Variants in TAOK3 observed in about 807,000 individuals in gnomAD.
TAOK3 encodes the protein serine/threonine-protein kinase TAO3.
Under a neutral mutation model 120.4 loss-of-function variants are expected in TAOK3, and 40 were observed. That is an observed-to-expected ratio of 0.33 (90% CI 0.26 to 0.43). TAOK3 has a LOEUF of 0.43. TAOK3 is among the 20% of genes least tolerant of loss of function. The pLI is 1.00. For missense variants in TAOK3, 821 were observed against 1,112.1 expected (o/e 0.74, Z 3.72); for synonymous variants, 355 against 387.5 (o/e 0.92, Z 0.99).
At chr12:118,262,268 G>A (rs961792764) in intron 2 of TAOK3, among the ~76,000 whole-genome samples, 5 of 152,072 alleles carry the variant, frequency 3.3e-5, no homozygotes, top group African/African-American at 4.8e-5. Context: ...TGGATCACAA[G>A]GTCAGGAGTT....
At chr12:118,269,217 A>G (rs769960655) in intron 1 of TAOK3, among the ~76,000 whole-genome samples, 7 of 150,990 alleles carry the variant, frequency 4.6e-5, no homozygotes, top group Admixed American at 1.3e-4. Context: ...GCTGGAGTAC[A>G]GTGGCGAGAT....
chr12:118,246,376 T>C, intron 3 of TAOK3: 1 of 1,592,290 alleles, frequency 6.3e-7, no homozygotes, highest in African/African-American at 1.3e-5. Context: ...GATTTCTTCC[T>C]GGGGGCCTCT....
At chr12:118,177,078 G>A in intron 16 of TAOK3, 123 bp downstream of exon 16, 4 of 1,067,658 alleles carry the variant, frequency 3.7e-6, no homozygotes, top group Non-Finnish European at 5.4e-6. Context: ...GCATTTTAGG[G>A]TATTCTAATG....
At chr12:118,151,599 C>G (rs1002548273) in intron 20 of TAOK3, among the ~76,000 whole-genome samples, 1 of 152,048 alleles carries the variant, frequency 6.6e-6, no homozygotes, top group African/African-American at 2.4e-5. Flanking sequence ...AGTTCTAGAA[C>G]AGGAGCTGGG....
chr12:118,193,703 C>A (rs546378137), intron 13 of TAOK3, among the ~76,000 whole-genome samples: 7 of 152,188 alleles, frequency 4.6e-5, no homozygotes, highest in Non-Finnish European at 1.0e-4. Flanking sequence ...CCCACCCCGG[C>A]CTTCCAAAGT....
At chr12:118,221,730 G>A (rs1435492562) in intron 9 of TAOK3, among the ~76,000 whole-genome samples, 1 of 150,272 alleles carries the variant, frequency 6.7e-6, no homozygotes, top group Non-Finnish European at 1.5e-5. Flanking sequence ...TGCCTCACAG[G>A]TTCACGCCAT....
chr12:118,372,411 C>G lies in TAOK3; in HGVS notation c.-194+237G>C, dbSNP rs539404341. Among the ~76,000 whole-genome samples, 1 of 151,596 alleles carries G rather than the reference C, an allele frequency of 6.6e-6. No individual in the cohort carries two copies. The highest frequency in any genetic ancestry group is 2.1e-4 in the South Asian group (1 of 4,772). On this transcript the variant is annotated intron_variant, in intron 1 of 20. Coordinates refer to ENST00000392533, the MANE Select transcript of TAOK3 (RefSeq NM_016281.4). The surrounding 1 kb of genome is among the most constrained non-coding windows in gnomAD (Gnocchi z 4.6). ...TCTCACGCGCACTGTCCCGGCCCCT[C>G]TTGGAGACCCCTCCCCTCAGACTTT...
chr12:118,313,805 A>C (rs1243183488), intron 1 of TAOK3, among the ~76,000 whole-genome samples: 1 of 152,236 alleles, frequency 6.6e-6, no homozygotes, highest in Non-Finnish European at 1.5e-5. Context: ...TGTAAAAATC[A>C]AACTGGAATA....
intron 1 of TAOK3, among the ~76,000 whole-genome samples, chr12:118,338,786 CAAAAAAAAAAAA>C (rs71069438): frequency 1.0e-4 from 5 of 49,840 alleles, no homozygotes; most frequent in Admixed American, 3.1e-4. Context: ...GACTCCGTCT[CAAAAAAAAAAAA>C]AAAAAAAAAA....
intron 1 of TAOK3, among the ~76,000 whole-genome samples, chr12:118,305,919 A>AG (rs2043037653): frequency 6.6e-6 from 1 of 152,126 alleles, no homozygotes; most frequent in East Asian, 1.9e-4. Context: ...AAAAAAAAAA[A>AG]AAAAAAAGTT....
intron 1 of TAOK3, among the ~76,000 whole-genome samples, chr12:118,355,133 A>G (rs1039025702): frequency 2.6e-5 from 4 of 152,188 alleles, no homozygotes; most frequent in African/African-American, 9.6e-5. Flanking sequence ...GTATTTTTAG[A>G]CCACAGTTCA....
At chr12:118,246,657 C>T in intron 3 of TAOK3, 2 of 1,566,294 alleles carry the variant, frequency 1.3e-6, no homozygotes, top group Non-Finnish European at 1.7e-6. Flanking sequence ...CGGCTCTGTG[C>T]TGGTGCGCCT....
chr12:118,180,031 T>C (rs2036607005), intron 15 of TAOK3, among the ~76,000 whole-genome samples: 1 of 144,760 alleles, frequency 6.9e-6, no homozygotes, highest in African/African-American at 2.6e-5. Context: ...CACTGCAACC[T>C]CTGCCTCCCA....
At chr12:118,159,824 G>T in intron 19 of TAOK3, 1 of 352,736 alleles carries the variant, frequency 2.8e-6, no homozygotes, top group Non-Finnish European at 5.3e-6. Flanking sequence ...GATATTAGTT[G>T]CGGGGAGGGC....
intron 1 of TAOK3, among the ~76,000 whole-genome samples, chr12:118,336,032 T>C (rs1386768369): frequency 6.6e-6 from 1 of 152,206 alleles, no homozygotes; most frequent in Non-Finnish European, 1.5e-5. Flanking sequence ...CCAAATTGTA[T>C]ATAGTTTTAA....
intron 1 of TAOK3, among the ~76,000 whole-genome samples, chr12:118,350,938 G>A (rs983543736): frequency 1.3e-5 from 2 of 152,086 alleles, no homozygotes. Context: ...CAGCACTTTG[G>A]GAGGCTGAGG....
At chr12:118,171,522 A>G (rs1179530851) in intron 17 of TAOK3, among the ~76,000 whole-genome samples, 1 of 152,054 alleles carries the variant, frequency 6.6e-6, no homozygotes. Context: ...ATGCCCAGGT[A>G]ATTTTTGTAT....
chr12:118,203,139 A>T (rs1408319567), intron 11 of TAOK3, among the ~76,000 whole-genome samples: 1 of 152,066 alleles, frequency 6.6e-6, no homozygotes, highest in East Asian at 1.9e-4. Context: ...TATCCCTTGA[A>T]AAACAGACTT....
chr12:118,176,288 T>C (rs1375687729), intron 16 of TAOK3, among the ~76,000 whole-genome samples: 1 of 151,836 alleles, frequency 6.6e-6, no homozygotes, highest in Non-Finnish European at 1.5e-5. Flanking sequence ...GCTTGATAAA[T>C]TTGAGGAACT....
Sources: allele counts gnomAD v4.1 joint callset (sites outside exome capture counted in the v4.1 genomes callset), GRCh38; gene constraint gnomAD v4.1.1; non-coding constraint Gnocchi (gnomAD v3.1); transcripts MANE v1.5; gene names NCBI Gene and HGNC (gene_info 2026-07-23, HGNC 2026-07-21).